Variants in DCC observed in about 807,000 individuals in gnomAD.
DCC encodes netrin receptor DCC.
In DCC, 58 loss-of-function variants were observed where a neutral mutation model predicts 172.5. The observed-to-expected ratio is 0.34, with a 90% CI of 0.27 to 0.42. DCC has a LOEUF of 0.42. Ranked by LOEUF, DCC falls within the 10% of genes least tolerant of loss-of-function variation. The pLI is 1.00. For missense variants in DCC, 1,740 were observed against 1,791.0 expected, an observed-to-expected ratio of 0.97 and a Z score of 0.51; for synonymous variants, 709 against 644.5, an observed-to-expected ratio of 1.10 and a Z score of -1.52.
chr18:52,628,194 C>CT (rs569101737), intron 1 of DCC, among the ~76,000 whole-genome samples: 77 of 152,090 alleles, frequency 5.1e-4, no homozygotes, highest in Middle Eastern at 3.4e-3. Context: ...CCTTGAAAGA[C>CT]TTTTTTTTCA....
chr18:52,522,723 T>G (rs5011966), intron 1 of DCC, among the ~76,000 whole-genome samples: 4,257 of 152,288 alleles, frequency 0.028, 74 homozygotes, highest in East Asian at 0.087. Context: ...ATAGCTAGAT[T>G]AATGTATAGT....
intron 1 of DCC, among the ~76,000 whole-genome samples, chr18:52,370,741 G>C (rs1050655987): frequency 2.0e-5 from 3 of 152,086 alleles, no homozygotes; most frequent in African/African-American, 7.2e-5. Context: ...AAAAAAACAT[G>C]TAGTAATTAA....
At chr18:52,571,543 T>C (rs2033292907) in intron 1 of DCC, among the ~76,000 whole-genome samples, 1 of 152,188 alleles carries the variant, frequency 6.6e-6, no homozygotes, top group African/African-American at 2.4e-5. Flanking sequence ...AGAATTCCAT[T>C]GCAACACTGC....
chr18:53,181,115 A>C (rs1156728522), intron 9 of DCC, among the ~76,000 whole-genome samples: 1 of 152,196 alleles, frequency 6.6e-6, no homozygotes, highest in African/African-American at 2.4e-5. Context: ...TCCTTAAAGA[A>C]ATCCTTGATA....
chr18:52,433,888 G>T (rs561452312), intron 1 of DCC, among the ~76,000 whole-genome samples: 1 of 152,220 alleles, frequency 6.6e-6, no homozygotes, highest in Admixed American at 6.5e-5. Flanking sequence ...AGTGTTGTCT[G>T]GTTTCCCTGT....
rs570900999 is a variant in DCC at position 52,620,728 on chromosome 18, G to A, written c.92-131326G>A. 5.9e-5 allele frequency among the ~76,000 whole-genome samples: 9 copies of A among 152,214 alleles called. No individual in the cohort carries two copies. In the South Asian group the frequency reaches 1.2e-3, roughly 21 times the overall value. On this transcript the variant is annotated intron_variant, in intron 1 of 28. Transcript: ENST00000442544. ...AGTTTTCCCTCTGTCTTAAGTAGAC[G>A]ATGTCGGAGGAAAAAAATAGGTAAC...
At chr18:52,414,847 A>G (rs76878387) in intron 1 of DCC, among the ~76,000 whole-genome samples, 2,362 of 152,318 alleles carry the variant, frequency 0.016, 62 homozygotes, top group African/African-American at 0.054. Flanking sequence ...TAATTGGTTT[A>G]TGCTTCCCTC....
At chr18:53,468,207 A>G (rs947242976) in intron 25 of DCC, among the ~76,000 whole-genome samples, 197 bp downstream of exon 25, 1 of 152,070 alleles carries the variant, frequency 6.6e-6, no homozygotes, top group Admixed American at 6.6e-5. Context: ...TTTTGTATAC[A>G]ATCAGATGGT....
chr18:53,535,169 T>C lies in DCC; in HGVS notation c.*4516T>C, dbSNP rs1157362968. The C allele has an allele frequency of 6.9e-6, 1 of 145,552 alleles. No homozygotes were observed. Among genetic ancestry groups the C allele is most frequent in the African/African-American group, 2.5e-5 (1 of 40,212 alleles). 9.0% of individuals were successfully genotyped at this position (145,552 alleles called of 1,614,324 possible). A position where few individuals can be genotyped will look rare whatever the true frequency, so the allele number is the denominator to read the frequency against. Reference sequence around the variant, plus strand: ...TGTTTGGGGGAAGGGTGGGCGGGTATGGGGTGTACTTTTTATAAGTAATAT... The same window carrying C: ...TGTTTGGGGGAAGGGTGGGCGGGTACGGGGTGTACTTTTTATAAGTAATAT... On this transcript the variant is annotated 3_prime_UTR_variant, in exon 29 of 29. Coordinates refer to ENST00000442544, the MANE Select transcript of DCC (RefSeq NM_005215.4).
chr18:53,198,541 GCTAA>G (rs1196794608), intron 9 of DCC, among the ~76,000 whole-genome samples: 1 of 151,638 alleles, frequency 6.6e-6, no homozygotes, highest in Non-Finnish European at 1.5e-5. Context: ...TAAAGATTCG[GCTAA>G]CTTTTATATG....
At chr18:53,313,748 C>A (rs189051134) in intron 13 of DCC, among the ~76,000 whole-genome samples, 1 of 152,130 alleles carries the variant, frequency 6.6e-6, no homozygotes, top group African/African-American at 2.4e-5. Context: ...TTGCTAATGT[C>A]TCTCTTGGGT....
intron 1 of DCC, among the ~76,000 whole-genome samples, chr18:52,479,534 CTCTCTCTCTCTCTG>C (rs1989192802): frequency 6.6e-6 from 1 of 151,180 alleles, no homozygotes; most frequent in Non-Finnish European, 1.5e-5. Context: ...CTCCTCATCT[CTCTCTCTCTCTCTG>C]TCTCTCTCTC....
intron 1 of DCC, among the ~76,000 whole-genome samples, chr18:52,667,733 G>A: frequency 6.6e-6 from 1 of 152,198 alleles, no homozygotes; most frequent in East Asian, 1.9e-4. Context: ...GGGAAGAGCT[G>A]GAGGGTGAGC....
chr18:53,166,316 C>T (rs998612627), intron 8 of DCC, among the ~76,000 whole-genome samples: 32 of 152,014 alleles, frequency 2.1e-4, no homozygotes, highest in Non-Finnish European at 1.5e-4. Context: ...CATACCTTTA[C>T]GACCTTCAAA....
At chr18:52,982,928 G>A (rs1427683132) in intron 5 of DCC, among the ~76,000 whole-genome samples, 2 of 152,078 alleles carry the variant, frequency 1.3e-5, no homozygotes, top group African/African-American at 4.8e-5. Context: ...TTATTGTATT[G>A]CCTGATAATA....
At chr18:53,196,009 A>C (rs1462155647) in intron 9 of DCC, among the ~76,000 whole-genome samples, 1 of 152,178 alleles carries the variant, frequency 6.6e-6, no homozygotes, top group Non-Finnish European at 1.5e-5. Context: ...TTAGACTTTA[A>C]AATCACGTGG....
intron 1 of DCC, among the ~76,000 whole-genome samples, chr18:52,441,983 T>A (rs1027459739): frequency 6.6e-6 from 1 of 152,182 alleles, no homozygotes; most frequent in African/African-American, 2.4e-5. Context: ...TAGTCATCCA[T>A]CATAGAGAAG....
chr18:53,471,608 G>T (rs1368747417), intron 25 of DCC, among the ~76,000 whole-genome samples: 2 of 152,068 alleles, frequency 1.3e-5, no homozygotes, highest in Non-Finnish European at 2.9e-5. Context: ...ATCTCCTATT[G>T]CTCCTTTCTG....
chr18:53,171,651 A>T (rs763417506), intron 8 of DCC, among the ~76,000 whole-genome samples: 9 of 152,142 alleles, frequency 5.9e-5, no homozygotes, highest in African/African-American at 2.2e-4. Context: ...GATCTTGGAC[A>T]TTTTTACCTG....
Sources: allele counts gnomAD v4.1 joint callset (sites outside exome capture counted in the v4.1 genomes callset), GRCh38; gene constraint gnomAD v4.1.1; transcripts MANE v1.5; gene names NCBI Gene and HGNC (gene_info 2026-07-23, HGNC 2026-07-21).